The following BSN variants were observed in gnomAD, a reference collection of about 807,000 sequenced individuals.
BSN encodes the protein bassoon presynaptic cytomatrix protein.
A neutral mutation model predicts 264.8 loss-of-function variants in BSN; 57 were observed. The ratio of observed to expected loss-of-function variants is 0.22; its 90% CI spans 0.17 to 0.27. The LOEUF (loss-of-function observed/expected upper bound fraction) is 0.27, where lower values mean the gene tolerates loss of function less well. Among genes scored for constraint, BSN ranks in the 10% least tolerant of loss-of-function variants. The pLI, the probability that BSN is intolerant of heterozygous loss-of-function variation, is 1.00. For missense variants in BSN, 4,615 were observed against 5,232.5 expected, an observed-to-expected ratio of 0.88 and a Z score of 3.64; for synonymous variants, 2,059 against 2,137.3, an observed-to-expected ratio of 0.96 and a Z score of 1.01.
At chr3:49,564,995 TAA>T (rs59109959) in intron 1 of BSN, among the ~76,000 whole-genome samples, 3 of 136,354 alleles carry the variant, frequency 2.2e-5, no homozygotes, top group African/African-American at 2.7e-5. Flanking sequence ...AGGAGAAAGG[TAA>T]AAAAAAAAAA....
In BSN at chr3:49,562,136, T is replaced by A. The variant is rs141245849; in HGVS notation, c.224+7310T>A. On this transcript the variant is annotated intron_variant, in intron 1 of 11. Coordinates refer to ENST00000296452, the MANE Select transcript of BSN (RefSeq NM_003458.4). ...CTAGATCTCTTGAATTTATTCCTCC[T>A]ATCTAACTGAAACATCTCCTCAACC... Among the ~76,000 whole-genome samples the A allele has an allele frequency of 8.5e-5, 13 of 152,340 alleles. No individual in the cohort carries two copies. The East Asian group carries it at 2.5e-3, about 29-fold the overall frequency.
rs528489349 is a variant in BSN, at chr3:49,651,151, G to C, written c.1986+72G>C. The C allele has an allele frequency of 6.9e-7, 1 of 1,459,240 alleles. No homozygotes were observed. The highest frequency in any genetic ancestry group is 9.2e-7 in the Non-Finnish European group (1 of 1,092,582). The allele number at this position is 1,459,240 out of a possible 1,614,324, so 90.4% of individuals were successfully genotyped here. A position where few individuals can be genotyped will look rare whatever the true frequency, so the allele number is the denominator to read the frequency against. ...GTCTATGGAAAGGCTTGCCTCCCTG[G>C]GTGGCTGAGGCTGTAGGCTCAGGAC... On this transcript the variant is annotated intron_variant, in intron 4 of 11. Coordinates refer to ENST00000296452, the MANE Select transcript of BSN (RefSeq NM_003458.4). This position sits in a 1 kb window ranked among gnomAD's most constrained non-coding sequence, Gnocchi z 5.4.
At chr3:49,589,664 G>A (rs141561695) in intron 1 of BSN, among the ~76,000 whole-genome samples, 1 of 149,944 alleles carries the variant, frequency 6.7e-6, no homozygotes, top group African/African-American at 2.5e-5. Flanking sequence ...ATGCCACCAC[G>A]CCCGGCTCAT....
rs145121236 is a variant in BSN at position 49,598,512 on chromosome 3, C to T, written c.225-26463C>T. On this transcript the variant is annotated intron_variant, in intron 1 of 11. Coordinates refer to ENST00000296452, the MANE Select transcript of BSN (RefSeq NM_003458.4). ...GCCTCTTTGACCAGTCAGATTTTTG[C>T]CCTTGAACTTTTGGCCTCAAGCAAT... Among the ~76,000 whole-genome samples the T allele has an allele frequency of 3.2e-4, 49 of 152,262 alleles. 1 individual carries two copies. The East Asian group carries it at 9.1e-3, about 28-fold the overall frequency.
intron 1 of BSN, among the ~76,000 whole-genome samples, chr3:49,558,376 C>G (rs2051690062): frequency 6.6e-6 from 1 of 152,232 alleles, no homozygotes; most frequent in Admixed American, 6.5e-5. Flanking sequence ...AAAGTCGCCT[C>G]TCTTCACTCC....
chr3:49,598,617 G>T (rs1024877466), intron 1 of BSN, among the ~76,000 whole-genome samples: 4 of 151,736 alleles, frequency 2.6e-5, no homozygotes, highest in Non-Finnish European at 5.9e-5. Flanking sequence ...TTCTAGAGAG[G>T]GTCTCACTAT....
chr3:49,661,039 C>T lies in BSN; in HGVS notation c.9194C>T (p.Ala3065Val), dbSNP rs1356720384. 11 of 1,611,336 alleles carry T rather than the reference C, an allele frequency of 6.8e-6. No individual in the cohort carries two copies. The highest frequency in any genetic ancestry group is 3.4e-6 in the Non-Finnish European group (4 of 1,179,862). The part of the protein sequence containing the change: ...RFQPPAPQYS[A>V]GSGGPTQNGF... ...CAGCCTCCAGCCCCACAGTATTCTGCAGGCAGTGGTGGGCCAACTCAGAAC... is the reference window on the plus strand; with the variant it reads ...CAGCCTCCAGCCCCACAGTATTCTGTAGGCAGTGGTGGGCCAACTCAGAAC... Residue 3065 changes from alanine to valine, a missense_variant, in exon 6 of 12, where the codon GCA becomes GTA. Transcript: ENST00000296452.
intron 1 of BSN, among the ~76,000 whole-genome samples, chr3:49,564,995 TA>T (rs59109959): frequency 0.037 from 5,017 of 135,870 alleles, 263 homozygotes; most frequent in African/African-American, 0.12. Flanking sequence ...AGGAGAAAGG[TA>T]AAAAAAAAAA....
At chr3:49,620,875 A>G (rs936912534) in intron 1 of BSN, among the ~76,000 whole-genome samples, 2 of 152,192 alleles carry the variant, frequency 1.3e-5, no homozygotes, top group African/African-American at 2.4e-5. Flanking sequence ...AGTCCCAGCT[A>G]CATTGCAGTG....
chr3:49,608,024 T>C (rs1430613478), intron 1 of BSN, among the ~76,000 whole-genome samples: 1 of 152,156 alleles, frequency 6.6e-6, no homozygotes, highest in Non-Finnish European at 1.5e-5. Context: ...TATGGAGGGA[T>C]AGAGGTCCTC....
chr3:49,664,507 A>C lies in BSN; in HGVS notation c.11693A>C (p.Lys3898Thr). The change falls in exon 9 of 12, where the codon AAG becomes ACG. Residue 3898 changes from lysine to threonine, a missense_variant. Physicochemically the swap from Lys to Thr is moderately conservative, Grantham distance 78. This residue lies in a region of BSN where 3,415 missense variants were observed against 3,866.4 expected (regional missense o/e 0.88). Coordinates refer to ENST00000296452, the MANE Select transcript of BSN (RefSeq NM_003458.4). ...GCCGATGGGGAGAGCGTGTTCTCCA[A>C]GATCCTCCCTGGCGGGGCAGCCGAG... Reference protein sequence around the residue: ...PGADGESVFSKILPGGAAEQA... With the variant: ...PGADGESVFSTILPGGAAEQA... 6.2e-7 allele frequency: 1 copy of C among 1,612,466 alleles called. No homozygotes were observed. Among genetic ancestry groups the C allele is most frequent in the Non-Finnish European group, 8.5e-7 (1 of 1,179,386 alleles).
intron 3 of BSN, among the ~76,000 whole-genome samples, chr3:49,647,779 C>T (rs1275425510): frequency 6.6e-6 from 1 of 152,200 alleles, no homozygotes. Context: ...GCCTGCCTTC[C>T]ACCCGATTCT....
chr3:49,647,529 C>T (rs2052510196), intron 3 of BSN, among the ~76,000 whole-genome samples: 2 of 152,148 alleles, frequency 1.3e-5, no homozygotes, highest in South Asian at 4.1e-4. Flanking sequence ...GCAGCACTTT[C>T]CCAAGGACTG....
chr3:49,651,254 C>G lies in BSN; in HGVS notation c.1986+175C>G. 1.4e-6 allele frequency: 1 copy of G among 698,054 alleles called. No individual in the cohort carries two copies. Among genetic ancestry groups the G allele is most frequent in the Admixed American group, 3.1e-5 (1 of 31,762 alleles). The allele number at this position is 698,054 out of a possible 1,614,324, so 43.2% of individuals were successfully genotyped here. A position where few individuals can be genotyped will look rare whatever the true frequency, so the allele number is the denominator to read the frequency against. On this transcript the variant is annotated intron_variant, in intron 4 of 11. Transcript: ENST00000296452. This position sits in a 1 kb window ranked among gnomAD's most constrained non-coding sequence, Gnocchi z 5.4. ...GATGAGGTTCTGGCACGCTTGGAGA[C>G]TGTGGGTTTTACACTGGTGCTGTGT...
At chr3:49,627,366 G>T (rs2052348945) in intron 2 of BSN, among the ~76,000 whole-genome samples, 1 of 152,194 alleles carries the variant, frequency 6.6e-6, no homozygotes, top group Admixed American at 6.5e-5. Flanking sequence ...GGGGTTTTCA[G>T]GTAGAACCTT....
rs763153159 is a variant in BSN, at chr3:49,657,102, C to T, written c.7546C>T (p.Pro2516Ser). The change falls in exon 5 of 12, where the codon CCT becomes TCT. Residue 2516 changes from proline (P) to serine (S), a missense_variant. Around this residue, in one of 3 missense-constraint regions of BSN, gnomAD observed 3,415 missense variants for 3,866.4 expected, o/e 0.88. Transcript: ENST00000296452. ...TGCAGCCTTCATTGCCATGGCAGGG[C>T]CTGAAGGACTTGGGCAGCCTCGTGA... is the stretch of plus-strand genomic sequence containing the variant. The part of the protein sequence containing the change: ...THAAFIAMAG[P>S]EGLGQPREPV... 1.9e-6 allele frequency: 3 copies of T among 1,610,902 alleles called. No homozygotes were observed. The highest frequency in any genetic ancestry group is 2.7e-5 in the African/African-American group (2 of 74,918).
rs2051924225 is a variant in BSN, at chr3:49,585,058, G to T, written c.224+30232G>T. Among the ~76,000 whole-genome samples the T allele has an allele frequency of 6.6e-6, 1 of 152,148 alleles. No individual in the cohort carries two copies. Among genetic ancestry groups the T allele is most frequent in the South Asian group, 2.1e-4 (1 of 4,826 alleles). ...TCAGCTGTTGTTAGACACCTAGGTT[G>T]CTTCGAAATCTTAGCTATTATAAAC... On this transcript the variant is annotated intron_variant, in intron 1 of 11. Transcript: ENST00000296452. The surrounding 1 kb of genome is among the most constrained non-coding windows in gnomAD (Gnocchi z 4.7).
Position 49,653,024 on chromosome 3 carries a change from C to T in BSN, c.3468C>T (p.Pro1156=), listed in dbSNP as rs950302178. Residue 1156 remains proline, a synonymous_variant, in exon 5 of 12, where the codon CCC becomes CCT. Coordinates refer to ENST00000296452, the MANE Select transcript of BSN (RefSeq NM_003458.4). The surrounding 1 kb of genome is among the most constrained non-coding windows in gnomAD (Gnocchi z 6.3). ...AGTCAGGCAGTGAGTACAACCTGCC[C>T]ACCTTCATGTCCCTCTACTCACCAA... The part of the protein sequence containing the change: ...LYKSGSEYNL[P]TFMSLYSPTE... The T allele has an allele frequency of 6.2e-7, 1 of 1,613,452 alleles. No homozygotes were observed. The highest frequency in any genetic ancestry group is 8.5e-7 in the Non-Finnish European group (1 of 1,179,980).
chr3:49,574,027 G>A (rs958262387), intron 1 of BSN, among the ~76,000 whole-genome samples: 1 of 152,062 alleles, frequency 6.6e-6, no homozygotes, highest in Non-Finnish European at 1.5e-5. Context: ...ACAGCCCATT[G>A]CAGCCTCAGC....
Sources: gnomAD v4.1 joint callset for allele counts (sites outside exome capture counted in the v4.1 genomes callset) on GRCh38, gnomAD v4.1.1 for gene constraint, gnomAD v4.1.1 regional missense constraint, Gnocchi (gnomAD v3.1) non-coding constraint, MANE v1.5 for transcripts, NCBI Gene and HGNC (gene_info 2026-07-23, HGNC 2026-07-21) for gene names.